The following PTPRU variants were observed in gnomAD, a reference collection of about 807,000 sequenced individuals.
PTPRU encodes the protein receptor-type tyrosine-protein phosphatase U.
A neutral mutation model predicts 166.3 loss-of-function variants in PTPRU; 69 were observed. The observed-to-expected ratio is 0.41, with a 90% CI of 0.34 to 0.51. PTPRU has a LOEUF of 0.51. PTPRU is among the 20% of genes least tolerant of loss of function. The pLI is 0.09. For synonymous variants in PTPRU, 793 were observed against 814.0 expected, an observed-to-expected ratio of 0.97 and a Z score of 0.44; for missense variants, 1,657 against 2,013.7, an observed-to-expected ratio of 0.82 and a Z score of 3.39.
At chr1:29,270,452 G>A (rs1050766478) in intron 7 of PTPRU, among the ~76,000 whole-genome samples, 3 of 151,930 alleles carry the variant, frequency 2.0e-5, no homozygotes, top group African/African-American at 4.8e-5. Context: ...GACTACAGGC[G>A]CGCACCACCA....
In PTPRU at chr1:29,291,738, C is replaced by T; in HGVS notation, c.2319-131C>T. On this transcript the variant is annotated intron_variant, in intron 14 of 29. Transcript: ENST00000373779. This position sits in a 1 kb window ranked among gnomAD's most constrained non-coding sequence, Gnocchi z 4.1. ...AGGATGGGGGCAGAGCCCTCAGCAT[C>T]CAGAGATGCTTCTAGGACAGCTGCT... 1.1e-6 allele frequency: 1 copy of T among 949,588 alleles called. No individual in the cohort carries two copies. Among genetic ancestry groups the T allele is most frequent in the Non-Finnish European group, 1.6e-6 (1 of 633,184 alleles). 58.8% of individuals were successfully genotyped at this position (949,588 alleles called of 1,614,324 possible).
chr1:29,277,803 C>CTATTTTTTTATTTTTTTTTT (rs1685875052), intron 8 of PTPRU, among the ~76,000 whole-genome samples: 1 of 50,564 alleles, frequency 2.0e-5, no homozygotes. Flanking sequence ...AGTTGTCATT[C>CTATTTTTTTATTTTTTTTTT]TTTTTTTTTT....
rs1312599704 is a variant in PTPRU at position 29,316,105 on chromosome 1, G to A, written c.3467G>A (p.Arg1156His). 9 of 1,614,062 alleles carry A rather than the reference G, an allele frequency of 5.6e-6. No individual in the cohort carries two copies. The highest frequency in any genetic ancestry group is 1.6e-4 in the Middle Eastern group (1 of 6,084). Residue 1156 changes from arginine (R) to histidine (H), a missense_variant, in exon 24 of 30, where the codon CGC (arginine) becomes CAC (histidine). Arg to His is a conservative substitution (Grantham distance 29). This residue lies in a region of PTPRU where 1,190 missense variants were observed against 1,477.4 expected (regional missense o/e 0.81). Coordinates refer to ENST00000373779, the MANE Select transcript of PTPRU (RefSeq NM_133178.4). Reference sequence around the variant, plus strand: ...AAGGCCACCTACAAGGAGATGATCCGCATTGATCCTCAGAGTAATTCCTCC... The same window carrying A: ...AAGGCCACCTACAAGGAGATGATCCACATTGATCCTCAGAGTAATTCCTCC... ...EFKATYKEMI[R>H]IDPQSNSSQL... is the part of the protein sequence containing the mutation.
rs543771386 is a variant in PTPRU at position 29,310,248 on chromosome 1, G to A, written c.2821-496G>A. ...TGAAGCCCTCATCTAGGCCCCCCAC[G>A]CTCTGAGTGACTGAGGAGTAAGGGG... On this transcript the variant is annotated intron_variant, in intron 18 of 29. Transcript: ENST00000373779. Among the ~76,000 whole-genome samples the A allele has an allele frequency of 3.9e-5, 6 of 152,252 alleles. No homozygotes were observed. In the South Asian group the frequency reaches 6.2e-4, roughly 16 times the overall value.
rs1687648075 is a variant in PTPRU, at chr1:29,311,373, T to G, written c.2858-83T>G. On this transcript the variant is annotated intron_variant, in intron 19 of 29. Coordinates refer to ENST00000373779, the MANE Select transcript of PTPRU (RefSeq NM_133178.4). This position sits in a 1 kb window ranked among gnomAD's most constrained non-coding sequence, Gnocchi z 4.1. Reference sequence around the variant, plus strand: ...GCTCAGGAGGCCTCCTGGCCTGGGGTGTGGTGCTGGATGGTGCTGGATGTG... The same window carrying G: ...GCTCAGGAGGCCTCCTGGCCTGGGGGGTGGTGCTGGATGGTGCTGGATGTG... The G allele has an allele frequency of 7.3e-7, 1 of 1,361,416 alleles. No homozygotes were observed. Among genetic ancestry groups the G allele is most frequent in the Non-Finnish European group, 1.0e-6 (1 of 968,216 alleles). 84.3% of individuals were successfully genotyped at this position (1,361,416 alleles called of 1,614,324 possible).
At position 29,291,051 on chromosome 1, in the gene PTPRU, C is replaced by T. The variant is rs943530052; in HGVS notation, c.2319-818C>T. Among the ~76,000 whole-genome samples, 1 of 152,214 alleles carries T rather than the reference C, an allele frequency of 6.6e-6. No individual in the cohort carries two copies. The highest frequency in any genetic ancestry group is 2.4e-5 in the African/African-American group (1 of 41,462). On this transcript the variant is annotated intron_variant, in intron 14 of 29. Transcript: ENST00000373779. This position sits in a 1 kb window ranked among gnomAD's most constrained non-coding sequence, Gnocchi z 4.1. Reference sequence around the variant, plus strand: ...TCCTCTGTCCATGGCCCTATCTCCCCACCTCCTTTTCTCCCTCCCACTTTC... The same window carrying T: ...TCCTCTGTCCATGGCCCTATCTCCCTACCTCCTTTTCTCCCTCCCACTTTC...
chr1:29,300,431 A>G (rs371357643), intron 15 of PTPRU, among the ~76,000 whole-genome samples: 13 of 152,206 alleles, frequency 8.5e-5, no homozygotes, highest in African/African-American at 2.9e-4. Flanking sequence ...AGAATTTCAC[A>G]GACTCCTTTA....
At chr1:29,244,976 G>A (rs1445593462) in intron 1 of PTPRU, among the ~76,000 whole-genome samples, 1 of 152,080 alleles carries the variant, frequency 6.6e-6, no homozygotes. Flanking sequence ...GTGGTGGTTG[G>A]GGAGTGCCTA....
At chr1:29,253,550 G>A (rs762029959) in intron 1 of PTPRU, among the ~76,000 whole-genome samples, 79 of 151,744 alleles carry the variant, frequency 5.2e-4, no homozygotes, top group Middle Eastern at 3.4e-3. Context: ...CTGTACAAAG[G>A]GTTTTATATA....
chr1:29,274,256 G>T (rs559458704), intron 7 of PTPRU, among the ~76,000 whole-genome samples: 3 of 151,440 alleles, frequency 2.0e-5, no homozygotes, highest in Non-Finnish European at 4.4e-5. Flanking sequence ...GGCCAGGCTG[G>T]GCTTGAACTC....
At chr1:29,322,997 G>C (rs375083200) in intron 26 of PTPRU, among the ~76,000 whole-genome samples, 20 of 152,012 alleles carry the variant, frequency 1.3e-4, no homozygotes, top group African/African-American at 3.9e-4. Context: ...GAGAAGGCTG[G>C]GGGGAGGTTC....
Position 29,257,944 on chromosome 1 carries a change from C to T in PTPRU, c.206-561C>T, listed in dbSNP as rs1324747441. On this transcript the variant is annotated intron_variant, in intron 2 of 29. Transcript: ENST00000373779. This position sits in a 1 kb window ranked among gnomAD's most constrained non-coding sequence, Gnocchi z 4.6. ...TTAGGCTGGGCATGGGCATTGTGAC[C>T]TGTAGATTGTAAGGAGCCATAATTT... 1.4e-5 allele frequency among the ~76,000 whole-genome samples: 2 copies of T among 148,120 alleles called. No homozygotes were observed. Among genetic ancestry groups the T allele is most frequent in the Admixed American group, 6.9e-5 (1 of 14,540 alleles).
chr1:29,284,481 G>T (rs1226612999), intron 13 of PTPRU, among the ~76,000 whole-genome samples: 3 of 152,198 alleles, frequency 2.0e-5, no homozygotes, highest in African/African-American at 7.2e-5. Context: ...GAGCTGGGAG[G>T]ATCTGAGAAA....
chr1:29,259,592 G>A, intron 5 of PTPRU, 28 bp downstream of exon 5: 1 of 1,544,138 alleles, frequency 6.5e-7, no homozygotes. Flanking sequence ...TCTTGGCTGG[G>A]GGCGGGGTGG....
chr1:29,250,751 G>A (rs1558548335), intron 1 of PTPRU, among the ~76,000 whole-genome samples: 1 of 152,240 alleles, frequency 6.6e-6, no homozygotes, highest in Non-Finnish European at 1.5e-5. Context: ...CTCTAGCAGA[G>A]CTGGGACTTG....
chr1:29,239,323 C>T (rs182715177), intron 1 of PTPRU, among the ~76,000 whole-genome samples: 1 of 152,298 alleles, frequency 6.6e-6, no homozygotes, highest in East Asian at 1.9e-4. Context: ...GTTATTTATT[C>T]TGCTGTGTTC....
At position 29,325,290 on chromosome 1, in the gene PTPRU, C is replaced by G. The variant is rs747537252; in HGVS notation, c.4212C>G (p.Thr1404=). The stretch of plus-strand genomic sequence containing the variant: ...TGGACGTTTTCTTTGCTGCCAAAAC[C>G]CTCCGGAACTACAAACCCAACATGG... ...NLVDVFFAAK[T]LRNYKPNMVE... The change falls in exon 29 of 30, where the codon ACC becomes ACG. Residue 1404 remains threonine, a synonymous_variant. Transcript: ENST00000373779. 6.2e-7 allele frequency: 1 copy of G among 1,614,162 alleles called. No individual in the cohort carries two copies.
chr1:29,262,316 T>C (rs1456318158), intron 7 of PTPRU, among the ~76,000 whole-genome samples: 1 of 152,232 alleles, frequency 6.6e-6, no homozygotes, highest in Non-Finnish European at 1.5e-5. Context: ...TATTGCAATA[T>C]AATCCACATC....
rs1685988637 is a variant in PTPRU, at chr1:29,280,021, C to T, written c.1766-18C>T. On this transcript the variant is annotated intron_variant, in intron 10 of 29. Coordinates refer to ENST00000373779, the MANE Select transcript of PTPRU (RefSeq NM_133178.4). The surrounding 1 kb of genome is among the most constrained non-coding windows in gnomAD (Gnocchi z 4.2). ...CCAGTGGCCAAGCTCCAGCTTGTGACCCTGTCCCCTTCTCCAGCTCCCAGC... is the reference window on the plus strand; with the variant it reads ...CCAGTGGCCAAGCTCCAGCTTGTGATCCTGTCCCCTTCTCCAGCTCCCAGC... 1 of 1,603,954 alleles carries T rather than the reference C, an allele frequency of 6.2e-7. No individual in the cohort carries two copies. Among genetic ancestry groups the T allele is most frequent in the African/African-American group, 1.3e-5 (1 of 74,662 alleles).
Sources: allele counts gnomAD v4.1 joint callset (sites outside exome capture counted in the v4.1 genomes callset), GRCh38; gene constraint gnomAD v4.1.1; regional missense constraint gnomAD v4.1.1; non-coding constraint Gnocchi (gnomAD v3.1); transcripts MANE v1.5; gene names NCBI Gene and HGNC (gene_info 2026-07-23, HGNC 2026-07-21).